EIF4G3: variants seen among roughly 807,000 people sequenced by gnomAD.
EIF4G3 encodes the protein eIF-4-gamma 3.
EIF4G3 carries 34 observed loss-of-function variants against 186.4 expected under a neutral mutation model. The ratio of observed to expected loss-of-function variants is 0.18; its 90% CI spans 0.14 to 0.24. The LOEUF is 0.24. Among genes scored for constraint, EIF4G3 ranks in the 10% least tolerant of loss-of-function variants. The pLI is 1.00. For missense variants in EIF4G3, 1,536 were observed against 1,948.5 expected, an observed-to-expected ratio of 0.79 and a Z score of 3.99; for synonymous variants, 673 against 679.5, an observed-to-expected ratio of 0.99 and a Z score of 0.15.
intron 2 of EIF4G3, among the ~76,000 whole-genome samples, chr1:21,107,463 G>C (rs1231013996): frequency 6.6e-6 from 1 of 151,948 alleles, no homozygotes; most frequent in Admixed American, 6.6e-5. Context: ...TGAGCTACCG[G>C]GCCCAACCTG....
At chr1:20,841,706 T>C (rs1398146718) in intron 29 of EIF4G3, among the ~76,000 whole-genome samples, 4 of 152,256 alleles carry the variant, frequency 2.6e-5, no homozygotes, top group Non-Finnish European at 4.4e-5. Context: ...GCCAAGTCAA[T>C]ATCTTTGGTC....
intron 29 of EIF4G3, chr1:20,847,753 G>A (rs749936103): frequency 1.7e-5 from 8 of 470,686 alleles, no homozygotes; most frequent in Middle Eastern, 3.2e-4. Context: ...GCTATTTCCC[G>A]TTAATGTTCA....
At chr1:20,985,529 A>AT (rs11443578) in intron 7 of EIF4G3, among the ~76,000 whole-genome samples, 43,145 of 151,020 alleles carry the variant, frequency 0.29, 6,770 homozygotes, top group Non-Finnish European at 0.36. Context: ...AAAAAAAAAA[A>AT]ATATATATCC....
At chr1:21,174,556 T>C (rs2098062966) in intron 2 of EIF4G3, among the ~76,000 whole-genome samples, 1 of 152,172 alleles carries the variant, frequency 6.6e-6, no homozygotes, top group South Asian at 2.1e-4. Context: ...TAACCGAGTA[T>C]AGGCAATCAA....
chr1:20,817,191 G>A (rs1456410554), intron 34 of EIF4G3, among the ~76,000 whole-genome samples: 1 of 137,296 alleles, frequency 7.3e-6, no homozygotes. Context: ...CTATTGTCCT[G>A]TGACCCTGCC....
At chr1:21,099,406 C>T (rs2096465222) in intron 2 of EIF4G3, among the ~76,000 whole-genome samples, 1 of 152,148 alleles carries the variant, frequency 6.6e-6, no homozygotes, top group African/African-American at 2.4e-5. Flanking sequence ...ATGGTACATC[C>T]ATATAATGGA....
At chr1:21,016,270 C>T (rs553235311) in intron 4 of EIF4G3, among the ~76,000 whole-genome samples, 2 of 152,072 alleles carry the variant, frequency 1.3e-5, no homozygotes, top group South Asian at 4.2e-4. Context: ...GATAATCATC[C>T]CAAACAAATT....
chr1:21,078,805 T>C (rs1270341714), intron 3 of EIF4G3, among the ~76,000 whole-genome samples: 2 of 152,050 alleles, frequency 1.3e-5, no homozygotes, highest in Non-Finnish European at 2.9e-5. Flanking sequence ...GCCGATATGG[T>C]GAAACCCCGT....
intron 30 of EIF4G3, among the ~76,000 whole-genome samples, 192 bp from the exon 31 acceptor site, chr1:20,829,464 G>C (rs950749497): frequency 2.0e-5 from 3 of 152,074 alleles, no homozygotes; most frequent in African/African-American, 4.8e-5. Flanking sequence ...AAAAAGACTA[G>C]AACAGACAAA....
At chr1:21,063,445 G>C (rs1210948810) in intron 3 of EIF4G3, among the ~76,000 whole-genome samples, 1 of 152,056 alleles carries the variant, frequency 6.6e-6, no homozygotes, top group African/African-American at 2.4e-5. Context: ...TTTGAACACT[G>C]TAAGAGTAAA....
At chr1:20,860,597 T>C (rs975784542) in intron 23 of EIF4G3, 80 bp from the exon 24 acceptor site, 1 of 1,483,732 alleles carries the variant, frequency 6.7e-7, no homozygotes, top group African/African-American at 1.4e-5. Context: ...TTTTTACTAC[T>C]GGAAAAGTAC....
At chr1:21,096,789 GA>G (rs2096384048) in intron 2 of EIF4G3, among the ~76,000 whole-genome samples, 1 of 152,174 alleles carries the variant, frequency 6.6e-6, no homozygotes, top group Non-Finnish European at 1.5e-5. Context: ...ACTACTGGCT[GA>G]AAGTTTTTAT....
At chr1:20,929,407 A>G (rs1283219128) in intron 14 of EIF4G3, 1 of 152,170 alleles carries the variant, frequency 6.6e-6, no homozygotes, top group African/African-American at 2.4e-5. Context: ...TATACATGCA[A>G]ACGGCCTATC....
At chr1:21,039,083 C>A (rs1305648929) in intron 4 of EIF4G3, among the ~76,000 whole-genome samples, 1 of 152,142 alleles carries the variant, frequency 6.6e-6, no homozygotes, top group African/African-American at 2.4e-5. Flanking sequence ...CAGTATGGTA[C>A]TGGCATACAG....
intron 2 of EIF4G3, among the ~76,000 whole-genome samples, chr1:21,103,375 C>A (rs1380267428): frequency 1.3e-5 from 2 of 152,204 alleles, no homozygotes; most frequent in Non-Finnish European, 2.9e-5. Context: ...TACTCCATAT[C>A]ACTTAACTTC....
chr1:21,049,752 A>G (rs1025997250), intron 4 of EIF4G3, among the ~76,000 whole-genome samples: 11 of 152,100 alleles, frequency 7.2e-5, no homozygotes, highest in Non-Finnish European at 1.5e-4. Flanking sequence ...TTAGCCGGGC[A>G]TGGTGGCATG....
chr1:21,030,212 T>C (rs754066767), intron 4 of EIF4G3, among the ~76,000 whole-genome samples: 2 of 152,120 alleles, frequency 1.3e-5, no homozygotes, highest in Non-Finnish European at 2.9e-5. Context: ...GGCAGAGCAG[T>C]TCTCAGCTGA....
chr1:20,829,352 C>T, intron 30 of EIF4G3, 80 bp from the exon 31 acceptor site: 1 of 1,494,358 alleles, frequency 6.7e-7, no homozygotes, highest in Non-Finnish European at 9.2e-7. Flanking sequence ...AAAAATCAGT[C>T]AACAAATACA....
chr1:20,822,111 C>T (rs2062529800), intron 33 of EIF4G3, among the ~76,000 whole-genome samples: 1 of 151,994 alleles, frequency 6.6e-6, no homozygotes, highest in African/African-American at 2.4e-5. Context: ...CTCCTGACCT[C>T]GTGATCCGCC....
Sources: allele counts gnomAD v4.1 joint callset (sites outside exome capture counted in the v4.1 genomes callset), GRCh38; gene constraint gnomAD v4.1.1; transcripts MANE v1.5; gene names NCBI Gene and HGNC (gene_info 2026-07-23, HGNC 2026-07-21).